RAP1B: variants seen among roughly 807,000 people sequenced by gnomAD.
RAP1B encodes ras-related protein Rap-1b.
In RAP1B, 1 loss-of-function variant was observed where a neutral mutation model predicts 27.5. The ratio of observed to expected loss-of-function variants is 0.04; its 90% CI spans 0.01 to 0.17. RAP1B has a LOEUF of 0.17. Among genes scored for constraint, RAP1B ranks in the 10% least tolerant of loss-of-function variants. The probability of loss-of-function intolerance (pLI) is 1.00; values close to 1 mark genes in which losing one functional copy is unlikely to be tolerated. For synonymous variants in RAP1B, 75 were observed against 73.1 expected, an observed-to-expected ratio of 1.03 and a Z score of -0.13; for missense variants, 84 against 214.8, an observed-to-expected ratio of 0.39 and a Z score of 3.81.
intron 5 of RAP1B, 146 bp from the exon 6 acceptor site, chr12:68,656,160 A>T: frequency 1.4e-6 from 1 of 700,644 alleles, no homozygotes; most frequent in Non-Finnish European, 2.3e-6. Context: ...TTAAATTGTT[A>T]AGGCTGTAAA....
At chr12:68,633,392 GTTCTC>G (rs1872404631) in intron 1 of RAP1B, among the ~76,000 whole-genome samples, 1 of 152,126 alleles carries the variant, frequency 6.6e-6, no homozygotes, top group Non-Finnish European at 1.5e-5. Flanking sequence ...ATAGACAATT[GTTCTC>G]TTCTCTGCAT....
chr12:68,634,901 C>A (rs552509057), intron 1 of RAP1B, among the ~76,000 whole-genome samples: 1 of 152,054 alleles, frequency 6.6e-6, no homozygotes, highest in African/African-American at 2.4e-5. Context: ...CAGTATTAAT[C>A]CATGAAAAGG....
At chr12:68,617,142 ACTTT>A (rs1871085941) in intron 1 of RAP1B, among the ~76,000 whole-genome samples, 1 of 152,188 alleles carries the variant, frequency 6.6e-6, no homozygotes, top group Non-Finnish European at 1.5e-5. Flanking sequence ...AAATTCAGGG[ACTTT>A]CTAAGTTCTC....
chr12:68,642,698 C>T lies in RAP1B; in HGVS notation c.-26-6001C>T. ...CTTTGAGAGAGACACCCACTCAGCA[C>T]AAGATTTCACATCTTTTTCTTCGGC... On this transcript the variant is annotated intron_variant, in intron 1 of 7. Transcript: ENST00000250559. The T allele has an allele frequency of 2.6e-6, 3 of 1,138,752 alleles. No homozygotes were observed. The South Asian group carries it at 3.7e-5, about 14-fold the overall frequency. The allele number at this position is 1,138,752 out of a possible 1,614,324, so 70.5% of individuals were successfully genotyped here. A position where few individuals can be genotyped will look rare whatever the true frequency, so the allele number is the denominator to read the frequency against.
intron 1 of RAP1B, among the ~76,000 whole-genome samples, chr12:68,632,007 C>T (rs1872270895): frequency 6.6e-6 from 1 of 151,588 alleles, no homozygotes; most frequent in South Asian, 2.1e-4. Context: ...GATTCCACTT[C>T]ATGATGTAGC....
intron 5 of RAP1B, among the ~76,000 whole-genome samples, chr12:68,655,926 TC>T (rs1284602480): frequency 2.0e-5 from 3 of 152,166 alleles, no homozygotes; most frequent in African/African-American, 4.8e-5. Flanking sequence ...TAAGGTTTTT[TC>T]CCCCCATCTC....
intron 1 of RAP1B, among the ~76,000 whole-genome samples, chr12:68,643,423 A>G (rs553619234): frequency 2.4e-4 from 37 of 152,340 alleles, no homozygotes; most frequent in African/African-American, 8.7e-4. Flanking sequence ...ATAGGTATTT[A>G]AAATGTCAGT....
chr12:68,613,294 T>C (rs566888854), intron 1 of RAP1B, among the ~76,000 whole-genome samples: 2 of 151,010 alleles, frequency 1.3e-5, no homozygotes, highest in African/African-American at 2.4e-5. Flanking sequence ...GAGGTTCACA[T>C]TGAATGAACC....
At chr12:68,639,678 G>A (rs759389978) in intron 1 of RAP1B, among the ~76,000 whole-genome samples, 30 of 152,016 alleles carry the variant, frequency 2.0e-4, no homozygotes, top group Non-Finnish European at 3.8e-4. Flanking sequence ...CTCACCAAAG[G>A]GCATTTTGTA....
At chr12:68,649,893 A>G (rs1242286662) in intron 2 of RAP1B, 1 of 152,432 alleles carries the variant, frequency 6.6e-6, no homozygotes, top group Non-Finnish European at 1.5e-5. Context: ...TGGGCGGATC[A>G]CCTGAGGTCA....
chr12:68,646,398 C>A (rs968134199), intron 1 of RAP1B, among the ~76,000 whole-genome samples: 20 of 151,984 alleles, frequency 1.3e-4, no homozygotes, highest in Admixed American at 1.2e-3. Flanking sequence ...CGGGTTCACT[C>A]GATTCTCCTG....
At chr12:68,653,936 A>T (rs1185418848) in intron 4 of RAP1B, among the ~76,000 whole-genome samples, 176 bp from the exon 5 acceptor site, 2 of 152,168 alleles carry the variant, frequency 1.3e-5, no homozygotes, top group African/African-American at 4.8e-5. Flanking sequence ...TCTCAAAAAA[A>T]AAAAGAAACT....
chr12:68,627,224 C>A, intron 1 of RAP1B: 1 of 1,429,278 alleles, frequency 7.0e-7, no homozygotes, highest in Non-Finnish European at 9.7e-7. Context: ...CATGAACATC[C>A]ATCTGAAAGG....
chr12:68,656,736 T>C (rs1874234805), intron 6 of RAP1B: 2 of 530,484 alleles, frequency 3.8e-6, no homozygotes, highest in African/African-American at 2.0e-5. Flanking sequence ...AAGGATGTTA[T>C]ATGAAAAATA....
intron 1 of RAP1B, among the ~76,000 whole-genome samples, chr12:68,620,304 ACCT>A (rs1362210074): frequency 6.6e-6 from 1 of 150,384 alleles, no homozygotes; most frequent in Non-Finnish European, 1.5e-5. Context: ...GCTCATTGTA[ACCT>A]CCTCCTCCCA....
intron 1 of RAP1B, among the ~76,000 whole-genome samples, chr12:68,616,179 G>A (rs1213528534): frequency 3.3e-5 from 5 of 152,016 alleles, no homozygotes; most frequent in African/African-American, 4.8e-5. Flanking sequence ...AGCCAGGATG[G>A]TCTGGATCTC....
At chr12:68,648,177 A>T (rs1237959623) in intron 1 of RAP1B, 1 of 153,084 alleles carries the variant, frequency 6.5e-6, no homozygotes, top group Non-Finnish European at 1.5e-5. Context: ...AGACGTTTTC[A>T]GTCTGGGAAC....
At chr12:68,652,743 G>A (rs745799658) in intron 4 of RAP1B, among the ~76,000 whole-genome samples, 7 of 151,460 alleles carry the variant, frequency 4.6e-5, no homozygotes, top group South Asian at 2.1e-4. Flanking sequence ...GCTTGAACCC[G>A]GGAGGCGGAG....
chr12:68,614,237 TAC>T (rs1565653964), intron 1 of RAP1B, among the ~76,000 whole-genome samples: 1 of 152,266 alleles, frequency 6.6e-6, no homozygotes, highest in Non-Finnish European at 1.5e-5. Context: ...TTGGATCTGA[TAC>T]AGAGAATTTG....
Sources: allele counts gnomAD v4.1 joint callset (sites outside exome capture counted in the v4.1 genomes callset), GRCh38; gene constraint gnomAD v4.1.1; transcripts MANE v1.5; gene names NCBI Gene and HGNC (gene_info 2026-07-23, HGNC 2026-07-21).